The following COL22A1 variants were observed in gnomAD, a reference collection of about 807,000 sequenced individuals.
COL22A1 encodes the protein collagen alpha-1(XXII) chain.
Under a neutral mutation model 248.9 loss-of-function variants are expected in COL22A1, and 221 were observed. The observed-to-expected ratio is 0.89, with a 90% CI of 0.80 to 0.99. The LOEUF is 0.99. Ranked by LOEUF, COL22A1 falls within the 50% of genes least tolerant of loss-of-function variation. COL22A1 has a pLI of 0.00. For missense variants in COL22A1, 2,240 were observed against 2,179.0 expected (o/e 1.03, Z -0.56); for synonymous variants, 891 against 793.4 (o/e 1.12, Z -2.07).
chr8:138,617,468 G>A (rs1419642904), intron 53 of COL22A1, among the ~76,000 whole-genome samples: 1 of 152,132 alleles, frequency 6.6e-6, no homozygotes, highest in Non-Finnish European at 1.5e-5. Flanking sequence ...TAGTGCTGGG[G>A]TCTCCTTGTC....
intron 1 of COL22A1, among the ~76,000 whole-genome samples, chr8:138,900,129 G>A (rs142564871): frequency 0.026 from 3,972 of 152,272 alleles, 62 homozygotes; most frequent in Middle Eastern, 0.061. Flanking sequence ...AGACTATACC[G>A]CCCAGAAGGG....
chr8:138,663,519 A>T (rs1033521285), intron 42 of COL22A1, among the ~76,000 whole-genome samples, 186 bp downstream of exon 42: 2 of 152,198 alleles, frequency 1.3e-5, no homozygotes, highest in African/African-American at 4.8e-5. Context: ...TTCTCTGCTC[A>T]TATGTACATC....
At chr8:138,908,825 A>G (rs1240596369) in intron 1 of COL22A1, among the ~76,000 whole-genome samples, 1 of 152,238 alleles carries the variant, frequency 6.6e-6, no homozygotes, top group Non-Finnish European at 1.5e-5. Flanking sequence ...AAGATAGAAT[A>G]AGATCAGACA....
At chr8:138,823,183 T>C (rs956355005) in intron 6 of COL22A1, among the ~76,000 whole-genome samples, 2 of 152,234 alleles carry the variant, frequency 1.3e-5, no homozygotes, top group East Asian at 1.9e-4. Context: ...GAGGATCATA[T>C]AAATTGATCC....
intron 35 of COL22A1, among the ~76,000 whole-genome samples, chr8:138,692,967 C>A (rs1187069929): frequency 6.6e-6 from 1 of 152,154 alleles, no homozygotes; most frequent in African/African-American, 2.4e-5. Flanking sequence ...GTGCTAGGAG[C>A]AGACCAGACG....
Position 138,626,240 on chromosome 8 carries a change from T to A in COL22A1, c.3667A>T (p.Lys1223Ter), listed in dbSNP as rs757114612. ...CCTTGGGGGCCAGGAGGGCCTTCTT[T>A]CCCCTAAAAGATCCAAGACATAAAA... ...GPPGIQGSPG[K>*]EGPPGPQGPS... Residue 1223 changes from lysine (K) to a stop codon, truncating the protein, a stop_gained, in exon 51 of 65, where the codon AAA becomes TAA. Coordinates refer to ENST00000303045, the MANE Select transcript of COL22A1 (RefSeq NM_152888.3). LOFTEE classifies it high-confidence loss of function. The A allele has an allele frequency of 1.1e-5, 18 of 1,608,640 alleles. No homozygotes were observed. Among genetic ancestry groups the A allele is most frequent in the Non-Finnish European group, 1.4e-5 (16 of 1,177,856 alleles).
chr8:138,646,684 T>G lies in COL22A1; in HGVS notation c.3448-2A>C. The G allele has an allele frequency of 6.4e-7, 1 of 1,572,906 alleles. No individual in the cohort carries two copies. The highest frequency in any genetic ancestry group is 8.6e-7 in the Non-Finnish European group (1 of 1,158,482). On this transcript the variant is annotated splice_acceptor_variant, in intron 46 of 64. Coordinates refer to ENST00000303045, the MANE Select transcript of COL22A1 (RefSeq NM_152888.3). LOFTEE classifies it high-confidence loss of function. ...TAGGCCTGGAGGCCCAGCCTCTCCC[T>G]GTATCAGGGATACAAGAAAAAAAAA...
At chr8:138,892,350 G>T (rs1825125521) in intron 1 of COL22A1, among the ~76,000 whole-genome samples, 1 of 152,184 alleles carries the variant, frequency 6.6e-6, no homozygotes, top group Non-Finnish European at 1.5e-5. Flanking sequence ...CCATTAGAAA[G>T]GGATGATCTC....
chr8:138,642,641 C>T (rs575373272), intron 47 of COL22A1, among the ~76,000 whole-genome samples: 1 of 152,332 alleles, frequency 6.6e-6, no homozygotes, highest in South Asian at 2.1e-4. Flanking sequence ...AAAACATCAG[C>T]ACTGCATGCA....
chr8:138,860,300 C>G (rs1219983132), intron 3 of COL22A1, among the ~76,000 whole-genome samples: 1 of 152,166 alleles, frequency 6.6e-6, no homozygotes, highest in Non-Finnish European at 1.5e-5. Context: ...CCCTCTGTGG[C>G]AGAGTCAGGA....
At chr8:138,694,732 G>T in intron 33 of COL22A1, 94 bp downstream of exon 33, 2 of 1,472,082 alleles carry the variant, frequency 1.4e-6, no homozygotes, top group Non-Finnish European at 9.4e-7. Context: ...TCCTGGGTGT[G>T]GAATGCACGG....
intron 23 of COL22A1, among the ~76,000 whole-genome samples, chr8:138,729,012 A>T (rs948532975): frequency 2.0e-5 from 3 of 152,110 alleles, no homozygotes; most frequent in Non-Finnish European, 4.4e-5. Flanking sequence ...GAGAGAGAAA[A>T]AAACCAGAAA....
At chr8:138,726,202 T>C (rs1031420153) in intron 23 of COL22A1, among the ~76,000 whole-genome samples, 1 of 151,228 alleles carries the variant, frequency 6.6e-6, no homozygotes, top group Non-Finnish European at 1.5e-5. Flanking sequence ...ATAATTACGG[T>C]AGAAAAGGGC....
At chr8:138,636,597 A>C (rs1821199523) in intron 48 of COL22A1, 145 bp downstream of exon 48, 2 of 652,716 alleles carry the variant, frequency 3.1e-6, no homozygotes, top group Non-Finnish European at 5.4e-6. Flanking sequence ...AGAGATACCA[A>C]GATGAAAACC....
At chr8:138,897,705 G>A (rs1173043193) in intron 1 of COL22A1, among the ~76,000 whole-genome samples, 6 of 151,770 alleles carry the variant, frequency 4.0e-5, no homozygotes, top group Non-Finnish European at 8.8e-5. Flanking sequence ...AGAAATTGAT[G>A]AATGATTTCC....
chr8:138,684,915 T>G (rs561747563), intron 38 of COL22A1, among the ~76,000 whole-genome samples: 2 of 152,200 alleles, frequency 1.3e-5, no homozygotes, highest in South Asian at 4.1e-4. Flanking sequence ...CATACCACAC[T>G]TGTCCTGAGC....
intron 18 of COL22A1, 35 bp from the exon 19 acceptor site, chr8:138,755,864 C>T: frequency 1.3e-6 from 2 of 1,595,146 alleles, no homozygotes; most frequent in Non-Finnish European, 1.7e-6. Flanking sequence ...AGCATAGTTA[C>T]TGGTGCCACC....
intron 61 of COL22A1, among the ~76,000 whole-genome samples, chr8:138,597,762 T>C (rs988991153): frequency 1.3e-5 from 2 of 152,194 alleles, no homozygotes; most frequent in African/African-American, 2.4e-5. Context: ...GAATCTTCTA[T>C]GTTAGTCCCA....
At chr8:138,790,028 G>C (rs1202410563) in intron 12 of COL22A1, among the ~76,000 whole-genome samples, 2 of 152,158 alleles carry the variant, frequency 1.3e-5, no homozygotes, top group Non-Finnish European at 2.9e-5. Flanking sequence ...AATCAAAAGT[G>C]TGTGTGCCAT....
Sources: gnomAD v4.1 joint callset for allele counts (sites outside exome capture counted in the v4.1 genomes callset) on GRCh38, gnomAD v4.1.1 for gene constraint, MANE v1.5 for transcripts, NCBI Gene and HGNC (gene_info 2026-07-23, HGNC 2026-07-21) for gene names.